Variants in TENT4B observed in about 807,000 individuals in gnomAD.
TENT4B encodes PAP associated domain containing 5.
In TENT4B, 10 loss-of-function variants were observed where a neutral mutation model predicts 75.0. That is an observed-to-expected ratio of 0.13 (90% CI 0.08 to 0.23). The LOEUF is 0.23. TENT4B is among the 10% of genes least tolerant of loss of function. The probability of loss-of-function intolerance (pLI) is 1.00; values close to 1 mark genes in which losing one functional copy is unlikely to be tolerated. For missense variants in TENT4B, 579 were observed against 893.8 expected (o/e 0.65, Z 4.49); for synonymous variants, 350 against 357.7 (o/e 0.98, Z 0.24).
At position 50,183,550 on chromosome 16, in the gene TENT4B, T is replaced by A. The variant is rs1184756885; in HGVS notation, c.639-27773T>A. On this transcript the variant is annotated intron_variant, in intron 1 of 11. Coordinates refer to ENST00000561678, the MANE Select transcript of TENT4B (RefSeq NM_001365324.3). ...TTTTTTTTTTTTTGGAATTCTTATT[T>A]TTACAGTACTTTGAATTCCTGTTTT... Among the ~76,000 whole-genome samples the A allele has an allele frequency of 1.3e-5, 2 of 152,040 alleles. 1 individual carries two copies. The highest frequency in any genetic ancestry group is 3.8e-4 in the East Asian group (2 of 5,202).
intron 1 of TENT4B, among the ~76,000 whole-genome samples, chr16:50,183,078 T>C (rs2038453375): frequency 6.6e-6 from 1 of 150,900 alleles, no homozygotes; most frequent in African/African-American, 2.4e-5. Flanking sequence ...AGTTTCACTC[T>C]TGTCACCCAG....
chr16:50,214,359 T>C, intron 3 of TENT4B, 92 bp downstream of exon 3: 19 of 1,041,512 alleles, frequency 1.8e-5, no homozygotes, highest in Non-Finnish European at 2.7e-5. Flanking sequence ...AAAACAAATT[T>C]ATAAAACAAA....
At chr16:50,205,558 C>CTTTTTTTTTTTTT (rs535651074) in intron 1 of TENT4B, among the ~76,000 whole-genome samples, 1 of 43,966 alleles carries the variant, frequency 2.3e-5, no homozygotes, top group African/African-American at 9.1e-5. Flanking sequence ...GTTTACATGT[C>CTTTTTTTTTTTTT]TTTTTTTTTT....
chr16:50,188,709 G>T (rs574397835), intron 1 of TENT4B, among the ~76,000 whole-genome samples: 142 of 152,214 alleles, frequency 9.3e-4, no homozygotes, highest in African/African-American at 3.2e-3. Context: ...TAAACAACTT[G>T]GGTACTGTGG....
chr16:50,175,129 A>G (rs1567483944), intron 1 of TENT4B, among the ~76,000 whole-genome samples: 1 of 152,198 alleles, frequency 6.6e-6, no homozygotes, highest in African/African-American at 2.4e-5. Context: ...ACATATGAGT[A>G]AGAACATGTA....
At chr16:50,182,891 CTTTTTTTTTTTTT>C (rs869060811) in intron 1 of TENT4B, among the ~76,000 whole-genome samples, 116 of 36,482 alleles carry the variant, frequency 3.2e-3, no homozygotes, top group Admixed American at 0.01. Context: ...TTTATTTTAC[CTTTTTTTTTTTTT>C]TTTTTTTTTT....
Position 50,230,042 on chromosome 16 carries a change from A to G in TENT4B, c.*714A>G. On this transcript the variant is annotated 3_prime_UTR_variant, in exon 12 of 12. Transcript: ENST00000561678. The stretch of plus-strand genomic sequence containing the variant: ...CTCAGCATTGAAATGACTTAATAGA[A>G]CCCTTGTGTCCTGCTGCAAAAATTT... 2.0e-6 allele frequency: 2 copies of G among 984,780 alleles called. No homozygotes were observed. The highest frequency in any genetic ancestry group is 2.4e-6 in the Non-Finnish European group (2 of 829,596). 61.0% of individuals were successfully genotyped at this position (984,780 alleles called of 1,614,324 possible).
intron 1 of TENT4B, among the ~76,000 whole-genome samples, chr16:50,205,251 A>G (rs2030883701): frequency 1.3e-5 from 2 of 152,144 alleles, no homozygotes; most frequent in African/African-American, 2.4e-5. Context: ...CATACTCACA[A>G]CCATATTTTT....
intron 4 of TENT4B, among the ~76,000 whole-genome samples, chr16:50,217,062 C>T (rs1427559397): frequency 2.0e-5 from 3 of 152,084 alleles, no homozygotes; most frequent in Non-Finnish European, 2.9e-5. Flanking sequence ...TTTGATGATA[C>T]AAAACATTTA....
Position 50,229,271 on chromosome 16 carries a change from C to T in TENT4B, c.2085C>T (p.Tyr695=). 1 of 1,613,792 alleles carries T rather than the reference C, an allele frequency of 6.2e-7. No individual in the cohort carries two copies. The highest frequency in any genetic ancestry group is 1.1e-5 in the South Asian group (1 of 91,058). The change falls in exon 12 of 12, where the codon TAC becomes TAT. Residue 695 remains tyrosine (Y), a synonymous_variant. Transcript: ENST00000561678. The part of the protein sequence containing the change: ...QHQGKSNNQY[Y]HGKKRKHKRD... ...AAGGCAAATCCAATAATCAGTATTA[C>T]CATGGCAAAAAGAGGAAACACAAGA...
Position 50,227,916 on chromosome 16 carries a change from A to G in TENT4B, c.1878A>G (p.Gln626=). Reference sequence around the variant, plus strand: ...CCACTGGGAACCGAGTAGGGTCGCAAGATGTATCCTTGGAGTCCTCTCAGG... The same window carrying G: ...CCACTGGGAACCGAGTAGGGTCGCAGGATGTATCCTTGGAGTCCTCTCAGG... The part of the protein sequence containing the change: ...RPSTGNRVGS[Q]DVSLESSQAV... Residue 626 remains glutamine, a synonymous_variant, in exon 11 of 12, where the codon CAA becomes CAG. Coordinates refer to ENST00000561678, the MANE Select transcript of TENT4B (RefSeq NM_001365324.3). The G allele has an allele frequency of 6.2e-7, 1 of 1,614,040 alleles. No individual in the cohort carries two copies. The highest frequency in any genetic ancestry group is 1.1e-5 in the South Asian group (1 of 91,084).
chr16:50,207,463 G>A (rs116369845), intron 1 of TENT4B, among the ~76,000 whole-genome samples: 2,244 of 152,224 alleles, frequency 0.015, 64 homozygotes, highest in African/African-American at 0.051. Flanking sequence ...GGTTACAGGC[G>A]TGAGCCACTG....
At chr16:50,171,668 A>G (rs1388612934) in intron 1 of TENT4B, among the ~76,000 whole-genome samples, 1 of 152,118 alleles carries the variant, frequency 6.6e-6, no homozygotes, top group East Asian at 1.9e-4. Context: ...AACTTGGATT[A>G]AAAATATAGT....
At chr16:50,173,725 G>C (rs1000496769) in intron 1 of TENT4B, among the ~76,000 whole-genome samples, 3 of 152,002 alleles carry the variant, frequency 2.0e-5, no homozygotes, top group Non-Finnish European at 4.4e-5. Flanking sequence ...ATGGAATCTC[G>C]CTCTATTGCC....
rs1366070703 is a variant in TENT4B at position 50,232,951 on chromosome 16, T to C, written c.*3623T>C. The stretch of plus-strand genomic sequence containing the variant: ...ATCAAAAATACATTCCCAATTTTGC[T>C]GTGATAAATATTGAAATGTTAAAAT... On this transcript the variant is annotated 3_prime_UTR_variant, in exon 12 of 12. Coordinates refer to ENST00000561678, the MANE Select transcript of TENT4B (RefSeq NM_001365324.3). 1 of 985,190 alleles carries C rather than the reference T, an allele frequency of 1.0e-6. No individual in the cohort carries two copies. Among genetic ancestry groups the C allele is most frequent in the African/African-American group, 1.7e-5 (1 of 57,258 alleles). The allele number at this position is 985,190 out of a possible 1,614,324, so 61.0% of individuals were successfully genotyped here.
intron 1 of TENT4B, among the ~76,000 whole-genome samples, chr16:50,183,486 C>A (rs1301177473): frequency 7.1e-6 from 1 of 141,062 alleles, no homozygotes; most frequent in Non-Finnish European, 1.5e-5. Context: ...GCTGGTCTTT[C>A]TATTTTTCTT....
At chr16:50,219,399 C>CT (rs1478367752) in intron 5 of TENT4B, among the ~76,000 whole-genome samples, 29 of 152,228 alleles carry the variant, frequency 1.9e-4, no homozygotes, top group African/African-American at 6.5e-4. Flanking sequence ...TACAGGCTTG[C>CT]TTTATTCTTT....
chr16:50,174,378 G>A (rs2038263166), intron 1 of TENT4B, among the ~76,000 whole-genome samples: 2 of 152,196 alleles, frequency 1.3e-5, no homozygotes, highest in East Asian at 1.9e-4. Context: ...GATTACAGGC[G>A]TGAGCCACCA....
chr16:50,167,548 C>G (rs1004535183), intron 1 of TENT4B, among the ~76,000 whole-genome samples: 1 of 151,042 alleles, frequency 6.6e-6, no homozygotes. Context: ...GCTTGTCATA[C>G]GTAAGAAACT....
Sources: allele counts gnomAD v4.1 joint callset (sites outside exome capture counted in the v4.1 genomes callset), GRCh38; gene constraint gnomAD v4.1.1; transcripts MANE v1.5; gene names NCBI Gene and HGNC (gene_info 2026-07-23, HGNC 2026-07-21).